Variants in SMC6 observed in about 807,000 individuals in gnomAD.
The protein encoded by SMC6 is structural maintenance of chromosomes protein 6.
SMC6 carries 79 observed loss-of-function variants against 142.2 expected under a neutral mutation model. The observed-to-expected ratio is 0.56, with a 90% CI of 0.46 to 0.67. SMC6 has a LOEUF of 0.67. SMC6 is among the 30% of genes least tolerant of loss of function. SMC6 has a pLI of 0.00. For missense variants in SMC6, 1,072 were observed against 1,284.0 expected (o/e 0.83, Z 2.52); for synonymous variants, 411 against 412.4 (o/e 1.00, Z 0.04).
chr2:17,751,005 C>CAAA (rs34661130), intron 2 of SMC6, among the ~76,000 whole-genome samples: 1,709 of 53,324 alleles, frequency 0.032, 186 homozygotes, highest in Middle Eastern at 0.096. Flanking sequence ...ACAGCTGTCT[C>CAAA]AAAAAAAAAA....
Position 17,715,080 on chromosome 2 carries a change from A to C in SMC6, c.1526-15T>G, listed in dbSNP as rs775789458. Reference sequence around the variant, plus strand: ...AATGCAAGCTCCTAAAAGTGAGAGAAAATTACAGAAGGGCTCATAAATACT... The same window carrying C: ...AATGCAAGCTCCTAAAAGTGAGAGACAATTACAGAAGGGCTCATAAATACT... On this transcript the variant is annotated splice_polypyrimidine_tract_variant and intron_variant, in intron 15 of 27. Transcript: ENST00000448223. 80 of 1,609,226 alleles carry C rather than the reference A, an allele frequency of 5.0e-5. 2 individuals carry two copies. The Middle Eastern group carries it at 1.2e-3, about 23-fold the overall frequency.
chr2:17,752,615 G>C (rs546235396), intron 2 of SMC6, among the ~76,000 whole-genome samples: 22 of 152,242 alleles, frequency 1.4e-4, no homozygotes, highest in African/African-American at 5.1e-4. Context: ...TTAAGCAAAA[G>C]AAATTTGAAA....
intron 24 of SMC6, among the ~76,000 whole-genome samples, chr2:17,682,381 C>T (rs765543748): frequency 6.6e-6 from 1 of 152,182 alleles, no homozygotes; most frequent in Non-Finnish European, 1.5e-5. Context: ...CACTGCTCTT[C>T]ACCGACAGAG....
intron 22 of SMC6, among the ~76,000 whole-genome samples, chr2:17,695,711 T>C (rs1333962257): frequency 6.6e-6 from 1 of 152,188 alleles, no homozygotes; most frequent in South Asian, 2.1e-4. Flanking sequence ...CTTTTACACA[T>C]AGTACTTTTT....
intron 9 of SMC6, among the ~76,000 whole-genome samples, chr2:17,722,999 T>TAAAAA (rs372729861): frequency 7.3e-6 from 1 of 137,908 alleles, no homozygotes; most frequent in African/African-American, 2.6e-5. Context: ...TCAGCTTTCT[T>TAAAAA]AAAAAAAAAA....
At chr2:17,709,929 T>C (rs1668741341) in intron 16 of SMC6, among the ~76,000 whole-genome samples, 1 of 152,084 alleles carries the variant, frequency 6.6e-6, no homozygotes. Context: ...ATTGCCACAG[T>C]AGGCAGATCA....
intron 20 of SMC6, 71 bp from the exon 21 acceptor site, chr2:17,700,449 A>T: frequency 7.9e-7 from 1 of 1,264,552 alleles, no homozygotes; most frequent in South Asian, 1.6e-5. Context: ...AAACATAAAA[A>T]TAATTCTGAG....
chr2:17,701,858 C>A lies in SMC6; in HGVS notation c.2194G>T (p.Glu732Ter). Residue 732 changes from glutamate to a stop codon, truncating the protein, a stop_gained, in exon 20 of 28, where the codon GAA (glutamate) becomes TAA (stop). Transcript: ENST00000448223. LOFTEE classifies it high-confidence loss of function. Reference protein sequence around the residue: ...SEIRELENIEEHQSVDIATLE... With the variant: ...SEIRELENIE The stretch of plus-strand genomic sequence containing the variant: ...GTTGCAATATCTACAGACTGGTGTT[C>A]TTCTATGTTCTCAAGTTCCCGAATT... 1 of 1,580,462 alleles carries A rather than the reference C, an allele frequency of 6.3e-7. No homozygotes were observed. The highest frequency in any genetic ancestry group is 1.2e-5 in the South Asian group (1 of 86,096).
At chr2:17,692,367 A>T (rs1265101838) in intron 23 of SMC6, among the ~76,000 whole-genome samples, 1 of 152,216 alleles carries the variant, frequency 6.6e-6, no homozygotes, top group Non-Finnish European at 1.5e-5. Context: ...GATATAGACC[A>T]ATGGAACAGA....
intron 26 of SMC6, among the ~76,000 whole-genome samples, chr2:17,669,952 A>G (rs1666677167): frequency 6.6e-6 from 1 of 152,178 alleles, no homozygotes; most frequent in African/African-American, 2.4e-5. Context: ...CTCAAATCCT[A>G]TGCTTTTTAA....
At chr2:17,732,786 G>A (rs1249588000) in intron 5 of SMC6, among the ~76,000 whole-genome samples, 1 of 151,958 alleles carries the variant, frequency 6.6e-6, no homozygotes, top group Non-Finnish European at 1.5e-5. Context: ...ATAGTACAAT[G>A]CAGCTAAACA....
chr2:17,725,904 C>T (rs1669592073), intron 8 of SMC6, among the ~76,000 whole-genome samples: 1 of 151,568 alleles, frequency 6.6e-6, no homozygotes, highest in East Asian at 1.9e-4. Context: ...CCTGGCCAAA[C>T]TGGTGAAACC....
intron 2 of SMC6, among the ~76,000 whole-genome samples, chr2:17,747,275 T>C (rs1397554749): frequency 6.6e-6 from 1 of 152,208 alleles, no homozygotes; most frequent in African/African-American, 2.4e-5. Context: ...GCAGTGTCAC[T>C]GGAGACCATA....
Position 17,670,455 on chromosome 2 carries a change from A to G in SMC6, c.3031T>C (p.Phe1011Leu). ...LSLWSIAESP[F>L]RCLDEFDVYM... is the part of the protein sequence containing the mutation. ...ACATCAAATTCATCCAGGCATCTGA[A>G]AGGAGATTCTGCGATGGACCACAGG... is the stretch of plus-strand genomic sequence containing the variant. The change falls in exon 26 of 28, where the codon TTC (phenylalanine) becomes CTC (leucine). Residue 1011 changes from phenylalanine to leucine, a missense_variant. Phe to Leu is a conservative substitution (Grantham distance 22). This residue lies in a region of SMC6 where 76 missense variants were observed against 112.3 expected (regional missense o/e 0.68). Transcript: ENST00000448223. 2 of 1,613,722 alleles carry G rather than the reference A, an allele frequency of 1.2e-6. No homozygotes were observed. The highest frequency in any genetic ancestry group is 1.7e-6 in the Non-Finnish European group (2 of 1,179,856).
In SMC6 at chr2:17,694,256, C is replaced by T. The variant is rs181119826; in HGVS notation, c.2678+896G>A. ...AGATTGGTTAATGGGTACAACCACG[C>T]AGTTAGATAGAATAAGTTCTGCTGT... On this transcript the variant is annotated intron_variant, in intron 23 of 27. Transcript: ENST00000448223. 2.5e-3 allele frequency among the ~76,000 whole-genome samples: 387 copies of T among 152,118 alleles called. 1 individual carries two copies. The highest frequency in any genetic ancestry group is 9.0e-3 in the African/African-American group (373 of 41,504).
rs764166153 is a variant in SMC6, at chr2:17,665,459, A to G, written c.*40T>C. On this transcript the variant is annotated 3_prime_UTR_variant, in exon 28 of 28. Coordinates refer to ENST00000448223, the MANE Select transcript of SMC6 (RefSeq NM_001142286.2). ...AGTCCAGAATTTTTTTTCCCTTCAC[A>G]AATCCTTCAACATCAGGACAAGGCA... is the stretch of plus-strand genomic sequence containing the variant. 1 of 1,440,152 alleles carries G rather than the reference A, an allele frequency of 6.9e-7. No individual in the cohort carries two copies. 89.2% of individuals were successfully genotyped at this position (1,440,152 alleles called of 1,614,324 possible).
intron 24 of SMC6, 90 bp from the exon 25 acceptor site, chr2:17,679,054 G>T: frequency 1.2e-6 from 1 of 807,304 alleles, no homozygotes; most frequent in Non-Finnish European, 1.9e-6. Context: ...GAGAAAACCA[G>T]ATGGAAATAT....
At chr2:17,748,436 A>G (rs1431141356) in intron 2 of SMC6, among the ~76,000 whole-genome samples, 1 of 152,348 alleles carries the variant, frequency 6.6e-6, no homozygotes, top group African/African-American at 2.4e-5. Flanking sequence ...CATCCAAAGA[A>G]GGATATTTAA....
intron 23 of SMC6, among the ~76,000 whole-genome samples, chr2:17,686,137 G>C (rs1293707005): frequency 6.6e-6 from 1 of 152,050 alleles, no homozygotes; most frequent in Non-Finnish European, 1.5e-5. Flanking sequence ...CAAAGTTGGG[G>C]AAAAAGTATC....
Sources: gnomAD v4.1 joint callset for allele counts (sites outside exome capture counted in the v4.1 genomes callset) on GRCh38, gnomAD v4.1.1 for gene constraint, gnomAD v4.1.1 regional missense constraint, MANE v1.5 for transcripts, NCBI Gene and HGNC (gene_info 2026-07-23, HGNC 2026-07-21) for gene names.